The following CCDC172 variants were observed in gnomAD, a reference collection of about 807,000 sequenced individuals.
CCDC172 encodes the protein coiled-coil domain containing 172.
CCDC172 carries 30 observed loss-of-function variants against 38.0 expected under a neutral mutation model. The observed-to-expected ratio is 0.79, with a 90% CI of 0.59 to 1.07. CCDC172 has a LOEUF of 1.07. Among genes scored for constraint, CCDC172 ranks in the 50% least tolerant of loss-of-function variants. The pLI is 0.00. For synonymous variants in CCDC172, 78 were observed against 88.3 expected, an observed-to-expected ratio of 0.88 and a Z score of 0.66; for missense variants, 297 against 290.1, an observed-to-expected ratio of 1.02 and a Z score of -0.17.
At chr10:116,336,547 A>C (rs895472943) in intron 3 of CCDC172, among the ~76,000 whole-genome samples, 1 of 152,022 alleles carries the variant, frequency 6.6e-6, no homozygotes, top group African/African-American at 2.4e-5. Context: ...CAAAAACCTT[A>C]ATATCTGCTA....
intron 3 of CCDC172, among the ~76,000 whole-genome samples, chr10:116,329,410 A>G (rs1450923152): frequency 6.6e-6 from 1 of 151,998 alleles, no homozygotes; most frequent in Non-Finnish European, 1.5e-5. Flanking sequence ...CTCTGCTTGA[A>G]ATGCTGATTC....
intron 7 of CCDC172, among the ~76,000 whole-genome samples, chr10:116,371,438 T>A (rs1330189875): frequency 6.6e-6 from 1 of 151,898 alleles, no homozygotes; most frequent in Non-Finnish European, 1.5e-5. Flanking sequence ...ATTGGATTCT[T>A]TTTACTAATA....
intron 3 of CCDC172, among the ~76,000 whole-genome samples, chr10:116,332,513 G>A (rs576309404): frequency 2.4e-4 from 36 of 152,140 alleles, no homozygotes; most frequent in Middle Eastern, 3.4e-3. Flanking sequence ...CTTCACACTT[G>A]CATGGAAACT....
Position 116,379,326 on chromosome 10 carries a change from T to C in CCDC172, c.745T>C (p.Leu249=), listed in dbSNP as rs150979898. ...AATTACTATGTTTTCTTTTCAGACA[T>C]TGGCACAGAAAGATCTTCAGGAAAG... ...QTEIEFLELT[L]AQKDLQESK is the part of the protein sequence containing the mutation. The change falls in exon 9 of 9, where the codon TTG becomes CTG. Residue 249 remains leucine, a synonymous_variant. Transcript: ENST00000333254. 1.6e-5 allele frequency: 25 copies of C among 1,575,646 alleles called. No individual in the cohort carries two copies. Among genetic ancestry groups the C allele is most frequent in the Non-Finnish European group, 2.2e-5 (25 of 1,161,358 alleles).
intron 7 of CCDC172, among the ~76,000 whole-genome samples, chr10:116,365,354 A>G (rs1196621536): frequency 1.3e-5 from 2 of 152,168 alleles, no homozygotes; most frequent in African/African-American, 2.4e-5. Flanking sequence ...AGTGGTCACC[A>G]CCTAATTCTG....
chr10:116,354,036 C>CA (rs1404322400), intron 5 of CCDC172, among the ~76,000 whole-genome samples: 1 of 152,170 alleles, frequency 6.6e-6, no homozygotes, highest in Non-Finnish European at 1.5e-5. Context: ...AGACCTTGTA[C>CA]AGTCGTGCAC....
chr10:116,379,314 T>C lies in CCDC172; in HGVS notation c.742-9T>C. 6.4e-7 allele frequency: 1 copy of C among 1,558,724 alleles called. No homozygotes were observed. ...TTCCTCATGAGTAATTACTATGTTT[T>C]CTTTTCAGACATTGGCACAGAAAGA... On this transcript the variant is annotated splice_polypyrimidine_tract_variant and intron_variant, in intron 8 of 8. Coordinates refer to ENST00000333254, the MANE Select transcript of CCDC172 (RefSeq NM_198515.3).
At chr10:116,349,919 G>A (rs1844911087) in intron 5 of CCDC172, among the ~76,000 whole-genome samples, 1 of 152,158 alleles carries the variant, frequency 6.6e-6, no homozygotes, top group East Asian at 1.9e-4. Flanking sequence ...TCATTAATAA[G>A]GCGAGTTTTG....
At chr10:116,357,535 T>TG in intron 6 of CCDC172, 54 bp downstream of exon 6, 1 of 1,311,158 alleles carries the variant, frequency 7.6e-7, no homozygotes. Context: ...TATATATGCA[T>TG]GATAAGGGCA....
chr10:116,351,660 CA>C lies in CCDC172; in HGVS notation c.449-5718del, dbSNP rs566804709. The stretch of plus-strand genomic sequence containing the variant: ...TTTTATGGAATTTTCCCTTCTATCA[CA>C]ACTAAAAGACTGGAGAAAATTATAT... On this transcript the variant is annotated intron_variant, in intron 5 of 8. Coordinates refer to ENST00000333254, the MANE Select transcript of CCDC172 (RefSeq NM_198515.3). Among the ~76,000 whole-genome samples the C allele has an allele frequency of 1.9e-4, 29 of 152,210 alleles. No homozygotes were observed. In the East Asian group the frequency reaches 5.6e-3, roughly 29 times the overall value.
chr10:116,353,421 A>C (rs1844957114), intron 5 of CCDC172, among the ~76,000 whole-genome samples: 1 of 152,232 alleles, frequency 6.6e-6, no homozygotes, highest in Non-Finnish European at 1.5e-5. Flanking sequence ...TGTGTTTCAA[A>C]GGATACTATC....
chr10:116,329,334 A>C (rs1419871), intron 3 of CCDC172, among the ~76,000 whole-genome samples: 16,943 of 152,004 alleles, frequency 0.11, 1,120 homozygotes, highest in East Asian at 0.21. Flanking sequence ...AACCTTTGTA[A>C]TGGGCTGTTT....
At chr10:116,349,282 C>T (rs753755879) in intron 5 of CCDC172, among the ~76,000 whole-genome samples, 2 of 152,118 alleles carry the variant, frequency 1.3e-5, no homozygotes, top group Non-Finnish European at 2.9e-5. Flanking sequence ...ATAAAGTGCA[C>T]AATAAATGTA....
chr10:116,350,616 TC>T (rs1470812287), intron 5 of CCDC172, among the ~76,000 whole-genome samples: 2 of 152,352 alleles, frequency 1.3e-5, no homozygotes, highest in Middle Eastern at 3.4e-3. Flanking sequence ...CTCAAAATGT[TC>T]CTCTTACTCA....
At chr10:116,377,111 C>T (rs1845255499) in intron 7 of CCDC172, among the ~76,000 whole-genome samples, 1 of 152,006 alleles carries the variant, frequency 6.6e-6, no homozygotes, top group Non-Finnish European at 1.5e-5. Flanking sequence ...TGCAGCACAC[C>T]AACATGGCAC....
intron 5 of CCDC172, among the ~76,000 whole-genome samples, chr10:116,352,008 C>T (rs1023994803): frequency 6.6e-6 from 1 of 152,170 alleles, no homozygotes; most frequent in African/African-American, 2.4e-5. Flanking sequence ...TGTATACAGA[C>T]AGGAAACCCC....
intron 5 of CCDC172, among the ~76,000 whole-genome samples, chr10:116,343,348 C>T (rs914027967): frequency 7.9e-5 from 12 of 151,926 alleles, no homozygotes; most frequent in African/African-American, 2.9e-4. Flanking sequence ...TACTTCTGTT[C>T]AGAAAGCAGA....
rs1555179240 is a variant in CCDC172, at chr10:116,341,986, A to C, written c.283-50A>C. ...TTATATTTTAAATAATTAAGGAAAA[A>C]TATTATTGCAACTAACACCTATATT... On this transcript the variant is annotated intron_variant, in intron 4 of 8. Coordinates refer to ENST00000333254, the MANE Select transcript of CCDC172 (RefSeq NM_198515.3). The C allele has an allele frequency of 7.4e-6, 9 of 1,218,758 alleles. No individual in the cohort carries two copies. In the South Asian group the frequency reaches 1.2e-4, roughly 17 times the overall value. The allele number at this position is 1,218,758 out of a possible 1,614,324, so 75.5% of individuals were successfully genotyped here.
intron 3 of CCDC172, among the ~76,000 whole-genome samples, chr10:116,332,609 G>A (rs911854916): frequency 6.6e-6 from 1 of 152,066 alleles, no homozygotes; most frequent in African/African-American, 2.4e-5. Flanking sequence ...TATTAATGCA[G>A]AAGAGAAGTA....
Sources: allele counts gnomAD v4.1 joint callset (sites outside exome capture counted in the v4.1 genomes callset), GRCh38; gene constraint gnomAD v4.1.1; transcripts MANE v1.5; gene names NCBI Gene and HGNC (gene_info 2026-07-23, HGNC 2026-07-21).